The following LYPLAL1 variants were observed in gnomAD, a reference collection of about 807,000 sequenced individuals.
The protein encoded by LYPLAL1 is lysophospholipase like 1.
A neutral mutation model predicts 19.7 loss-of-function variants in LYPLAL1; 23 were observed. The ratio of observed to expected loss-of-function variants is 1.17; its 90% CI spans 0.84 to 1.65. The LOEUF is 1.65. LYPLAL1 is among the 40% of genes most tolerant of loss of function. The pLI, the probability that LYPLAL1 is intolerant of heterozygous loss-of-function variation, is 0.00. For synonymous variants in LYPLAL1, 119 were observed against 96.3 expected (o/e 1.24, Z -1.38); for missense variants, 355 against 279.4 (o/e 1.27, Z -1.93).
chr1:219,345,895 C>A, the LYPLAL1 span, among the ~76,000 whole-genome samples: 142 of 152,326 alleles, frequency 9.3e-4, no homozygotes, highest in Middle Eastern at 3.4e-3. Context: ...GATACTCACA[C>A]ACTCAACGAG....
chr1:219,390,262 C>G, the LYPLAL1 span, among the ~76,000 whole-genome samples: 2 of 152,204 alleles, frequency 1.3e-5, no homozygotes, highest in Non-Finnish European at 2.9e-5. Flanking sequence ...GCCTTCCTAT[C>G]TCTCTGATCC....
the LYPLAL1 span, among the ~76,000 whole-genome samples, chr1:219,260,685 C>T: frequency 2.0e-5 from 3 of 149,216 alleles, no homozygotes; most frequent in Non-Finnish European, 4.5e-5. Context: ...GGCATACACA[C>T]ATATATACAT....
At chr1:219,306,239 G>A in the LYPLAL1 span, among the ~76,000 whole-genome samples, 1 of 152,150 alleles carries the variant, frequency 6.6e-6, no homozygotes, top group African/African-American at 2.4e-5. Flanking sequence ...TCCTAATGCT[G>A]TCAGATATGT....
chr1:219,266,145 A>AT, the LYPLAL1 span, among the ~76,000 whole-genome samples: 6 of 149,752 alleles, frequency 4.0e-5, no homozygotes, highest in South Asian at 1.0e-3. Flanking sequence ...AAACTTTAAC[A>AT]TTTTTTTAAA....
the LYPLAL1 span, among the ~76,000 whole-genome samples, chr1:219,276,328 C>T: frequency 6.6e-6 from 1 of 151,596 alleles, no homozygotes; most frequent in African/African-American, 2.4e-5. Flanking sequence ...TCCTGCTCCT[C>T]AAGGCAGCAG....
the LYPLAL1 span, among the ~76,000 whole-genome samples, chr1:219,376,832 A>C: frequency 6.6e-6 from 1 of 152,246 alleles, no homozygotes; most frequent in Non-Finnish European, 1.5e-5. Context: ...AACATACAAC[A>C]AATTTTGGCA....
At chr1:219,252,031 C>T in the LYPLAL1 span, among the ~76,000 whole-genome samples, 1 of 151,730 alleles carries the variant, frequency 6.6e-6, no homozygotes, top group Non-Finnish European at 1.5e-5. Flanking sequence ...AGATATTTTA[C>T]TCTTTTTTGT....
chr1:219,364,165 T>C, the LYPLAL1 span, among the ~76,000 whole-genome samples: 1 of 152,100 alleles, frequency 6.6e-6, no homozygotes, highest in Non-Finnish European at 1.5e-5. Context: ...GTGCATGAAA[T>C]ATTGAAAGGA....
the LYPLAL1 span, among the ~76,000 whole-genome samples, chr1:219,417,996 G>C: frequency 1.3e-5 from 2 of 152,148 alleles, no homozygotes; most frequent in East Asian, 3.9e-4. Context: ...CCCTGCCCAG[G>C]ATACTTAATA....
At chr1:219,237,673 A>G in the LYPLAL1 span, among the ~76,000 whole-genome samples, 2 of 151,866 alleles carry the variant, frequency 1.3e-5, no homozygotes, top group African/African-American at 4.8e-5. Context: ...TGTTTTTTTC[A>G]AATTTCAACT....
At chr1:219,432,863 T>C in the LYPLAL1 span, among the ~76,000 whole-genome samples, 1 of 152,204 alleles carries the variant, frequency 6.6e-6, no homozygotes, top group Non-Finnish European at 1.5e-5. Context: ...CATCTTGGGC[T>C]GCACTTTGAC....
the LYPLAL1 span, among the ~76,000 whole-genome samples, chr1:219,419,163 A>G: frequency 4.6e-5 from 7 of 152,218 alleles, no homozygotes; most frequent in Admixed American, 3.3e-4. Flanking sequence ...CCTTAGGGTA[A>G]GTATCAAGAA....
the LYPLAL1 span, among the ~76,000 whole-genome samples, chr1:219,262,134 T>C: frequency 6.6e-6 from 1 of 152,126 alleles, no homozygotes; most frequent in African/African-American, 2.4e-5. Context: ...CTTGTTCTAG[T>C]CTATTGTTCA....
the LYPLAL1 span, among the ~76,000 whole-genome samples, chr1:219,363,057 T>C: frequency 6.6e-6 from 1 of 152,188 alleles, no homozygotes; most frequent in Non-Finnish European, 1.5e-5. Context: ...ACCGTCTTCA[T>C]TGTTTTTAAA....
the LYPLAL1 span, among the ~76,000 whole-genome samples, chr1:219,352,747 C>A: frequency 6.6e-6 from 1 of 152,130 alleles, no homozygotes; most frequent in Non-Finnish European, 1.5e-5. Context: ...CTCAAGGTAG[C>A]TGCATGTTCA....
the LYPLAL1 span, among the ~76,000 whole-genome samples, chr1:219,267,417 T>A: frequency 3.3e-5 from 5 of 152,278 alleles, no homozygotes; most frequent in South Asian, 1.0e-3. Flanking sequence ...AGTACAGAGA[T>A]TAAATAGTTC....
the LYPLAL1 span, among the ~76,000 whole-genome samples, chr1:219,412,858 G>A: frequency 1.3e-5 from 2 of 152,182 alleles, no homozygotes; most frequent in African/African-American, 4.8e-5. Flanking sequence ...CAACGAAAGA[G>A]ATAAATGCAT....
At chr1:219,311,137 G>GTTT in the LYPLAL1 span, among the ~76,000 whole-genome samples, 1 of 142,032 alleles carries the variant, frequency 7.0e-6, no homozygotes, top group Non-Finnish European at 1.5e-5. Context: ...TAGTCTAAGA[G>GTTT]TTTTTTTTTT....
At chr1:219,191,929 TAGTC>T (rs1356816352) in intron 2 of LYPLAL1, among the ~76,000 whole-genome samples, 1 of 151,706 alleles carries the variant, frequency 6.6e-6, no homozygotes, top group Non-Finnish European at 1.5e-5. Flanking sequence ...TGTTAAATTT[TAGTC>T]AGTTCAACTT....
Sources: allele counts gnomAD v4.1 joint callset (sites outside exome capture counted in the v4.1 genomes callset), GRCh38; gene constraint gnomAD v4.1.1; transcripts MANE v1.5; gene names NCBI Gene and HGNC (gene_info 2026-07-23, HGNC 2026-07-21).